The following SEZ6L variants were observed in gnomAD, a reference collection of about 807,000 sequenced individuals.
SEZ6L encodes the protein seizure related 6 homolog like, also known as seizure 6-like protein.
A neutral mutation model predicts 106.2 loss-of-function variants in SEZ6L; 37 were observed. The ratio of observed to expected loss-of-function variants is 0.35; its 90% CI spans 0.27 to 0.46. SEZ6L has a LOEUF of 0.46. SEZ6L is among the 20% of genes least tolerant of loss of function. SEZ6L has a pLI of 1.00. For missense variants in SEZ6L, 1,172 were observed against 1,332.8 expected (o/e 0.88, Z 1.88); for synonymous variants, 541 against 570.4 (o/e 0.95, Z 0.73).
chr22:26,347,621 C>T (rs1277997493), intron 10 of SEZ6L, 98 bp from the exon 11 acceptor site: 1 of 1,013,348 alleles, frequency 9.9e-7, no homozygotes, highest in Non-Finnish European at 1.4e-6. Context: ...TTTCTAGAGG[C>T]TTTTTTTTCT....
At chr22:26,270,532 G>A (rs2080331738) in intron 1 of SEZ6L, among the ~76,000 whole-genome samples, 2 of 152,030 alleles carry the variant, frequency 1.3e-5, no homozygotes, top group African/African-American at 2.4e-5. Context: ...GGAAGAAACA[G>A]CATAGATATG....
intron 11 of SEZ6L, among the ~76,000 whole-genome samples, chr22:26,348,704 AGGCAAG>A (rs1569473860): frequency 2.5e-5 from 2 of 79,092 alleles, no homozygotes; most frequent in Non-Finnish European, 5.1e-5. Flanking sequence ...GAAAGAAAGA[AGGCAAG>A]GGAGGGAAGG....
chr22:26,301,601 T>C (rs1947310782), intron 5 of SEZ6L, among the ~76,000 whole-genome samples: 1 of 152,156 alleles, frequency 6.6e-6, no homozygotes, highest in Non-Finnish European at 1.5e-5. Context: ...AGAAAAGGTA[T>C]ACAGGAAGAA....
intron 10 of SEZ6L, among the ~76,000 whole-genome samples, chr22:26,343,747 A>T (rs146129314): frequency 2.4e-4 from 37 of 152,358 alleles, no homozygotes; most frequent in African/African-American, 8.7e-4. Flanking sequence ...TTTTTCAGGG[A>T]TACACAGCTT....
rs1224567423 is a variant in SEZ6L at position 26,310,958 on chromosome 22, A to G, written c.1681+122A>G. 7 of 960,370 alleles carry G rather than the reference A, an allele frequency of 7.3e-6. 1 individual carries two copies. The South Asian group carries it at 1.1e-4, about 15-fold the overall frequency. 59.5% of individuals were successfully genotyped at this position (960,370 alleles called of 1,614,324 possible). ...TGTGGGAAATCCCATGGCCATGTGG[A>G]TCCTTTGGTTTCCAAAGACAGGCTC... On this transcript the variant is annotated intron_variant, in intron 7 of 16. Coordinates refer to ENST00000248933, the MANE Select transcript of SEZ6L (RefSeq NM_021115.5).
chr22:26,348,591 A>G, intron 11 of SEZ6L, among the ~76,000 whole-genome samples: 1 of 74,310 alleles, frequency 1.3e-5, no homozygotes, highest in South Asian at 5.7e-4. Context: ...AGAAAGAGAA[A>G]GAAAGAAAGA....
At chr22:26,210,803 G>A (rs1046727529) in intron 1 of SEZ6L, among the ~76,000 whole-genome samples, 2 of 152,134 alleles carry the variant, frequency 1.3e-5, no homozygotes, top group Non-Finnish European at 2.9e-5. Flanking sequence ...GGTTTGGCCT[G>A]GAAATATTTT....
In SEZ6L at chr22:26,382,431, T is replaced by C. The variant is rs2084436858; in HGVS notation, c.*2136T>C. 1 of 155,078 alleles carries C rather than the reference T, an allele frequency of 6.4e-6. No homozygotes were observed. Among genetic ancestry groups the C allele is most frequent in the African/African-American group, 2.4e-5 (1 of 41,508 alleles). The allele number at this position is 155,078 out of a possible 1,614,324, so 9.6% of individuals were successfully genotyped here. A position where few individuals can be genotyped will look rare whatever the true frequency, so the allele number is the denominator to read the frequency against. The stretch of plus-strand genomic sequence containing the variant: ...TATAAAGACTGACAAAATATAAATC[T>C]TTATTCTAACCCTATCCCCAAAACT... On this transcript the variant is annotated 3_prime_UTR_variant, in exon 17 of 17. Transcript: ENST00000248933.
chr22:26,331,274 T>C (rs969926424), intron 9 of SEZ6L, among the ~76,000 whole-genome samples: 2 of 152,212 alleles, frequency 1.3e-5, no homozygotes, highest in African/African-American at 4.8e-5. Flanking sequence ...TATCCTCACC[T>C]CTTCCACTCT....
At chr22:26,192,732 A>G (rs1940316337) in intron 1 of SEZ6L, among the ~76,000 whole-genome samples, 1 of 152,218 alleles carries the variant, frequency 6.6e-6, no homozygotes, top group South Asian at 2.1e-4. Flanking sequence ...TGGGTAAAAT[A>G]GGCCCATTTC....
At chr22:26,205,628 C>T (rs756173370) in intron 1 of SEZ6L, among the ~76,000 whole-genome samples, 34 of 151,872 alleles carry the variant, frequency 2.2e-4, no homozygotes, top group Non-Finnish European at 4.7e-4. Context: ...ATCTTAACCT[C>T]TCCGCAGCAA....
chr22:26,331,416 C>T (rs980459037), intron 9 of SEZ6L, among the ~76,000 whole-genome samples: 7 of 152,210 alleles, frequency 4.6e-5, no homozygotes, highest in African/African-American at 1.7e-4. Flanking sequence ...CCCATCCTTC[C>T]CCAGCAAACA....
At chr22:26,194,902 ATTATC>A (rs534168443) in intron 1 of SEZ6L, among the ~76,000 whole-genome samples, 64 of 152,310 alleles carry the variant, frequency 4.2e-4, no homozygotes, top group African/African-American at 1.4e-3. Context: ...TGTAGTTCGA[ATTATC>A]TTATTTTAAT....
At chr22:26,305,911 T>C in intron 5 of SEZ6L, 68 bp from the exon 6 acceptor site, 1 of 1,436,340 alleles carries the variant, frequency 7.0e-7, no homozygotes, top group African/African-American at 1.4e-5. Context: ...TCTCTTTCTC[T>C]CTGTCTCTCT....
chr22:26,291,746 G>C (rs1427622668), intron 1 of SEZ6L, among the ~76,000 whole-genome samples: 1 of 152,152 alleles, frequency 6.6e-6, no homozygotes, highest in Non-Finnish European at 1.5e-5. Flanking sequence ...CTGCCCAACT[G>C]TACATGGCAT....
chr22:26,281,182 A>G (rs2080749760), intron 1 of SEZ6L, among the ~76,000 whole-genome samples: 1 of 152,164 alleles, frequency 6.6e-6, no homozygotes, highest in South Asian at 2.1e-4. Context: ...ATGGGTTATC[A>G]TGGGAGTACA....
chr22:26,249,177 A>C (rs1161905096), intron 1 of SEZ6L, among the ~76,000 whole-genome samples: 2 of 152,216 alleles, frequency 1.3e-5, no homozygotes, highest in Non-Finnish European at 2.9e-5. Context: ...TCTTGAGAAC[A>C]TTCAAAATTC....
At chr22:26,322,683 C>A (rs1411303324) in intron 9 of SEZ6L, among the ~76,000 whole-genome samples, 2 of 152,144 alleles carry the variant, frequency 1.3e-5, no homozygotes, top group East Asian at 1.9e-4. Context: ...TGAATCACAG[C>A]ATCAATTACA....
In SEZ6L at chr22:26,299,057, TG is replaced by T; in HGVS notation, c.1240del (p.Val414TrpfsTer18). 1.9e-6 allele frequency: 3 copies of T among 1,607,964 alleles called. No individual in the cohort carries two copies. The highest frequency in any genetic ancestry group is 2.5e-6 in the Non-Finnish European group (3 of 1,177,404). ...TCACGGTGATGGACCTGCACTCAGG[TG>T]GGGTGGCCCACTTTCACTGCCACCT... is the stretch of plus-strand genomic sequence containing the variant. ...DVTVMDLHSGGVAHFHCHLGY... is the reference protein window; with the variant it reads ...DVTVMDLHSGXVAHFHCHLGY... On this transcript the variant is annotated frameshift_variant, in exon 5 of 17. Coordinates refer to ENST00000248933, the MANE Select transcript of SEZ6L (RefSeq NM_021115.5). LOFTEE classifies it high-confidence loss of function.
Sources: gnomAD v4.1 joint callset for allele counts (sites outside exome capture counted in the v4.1 genomes callset) on GRCh38, gnomAD v4.1.1 for gene constraint, MANE v1.5 for transcripts, NCBI Gene and HGNC (gene_info 2026-07-23, HGNC 2026-07-21) for gene names.